The following TSG101 variants were observed in gnomAD, a reference collection of about 807,000 sequenced individuals.
The protein encoded by TSG101 is tumor susceptibility gene 101 protein.
In TSG101, 19 loss-of-function variants were observed where a neutral mutation model predicts 48.5. The ratio of observed to expected loss-of-function variants is 0.39; its 90% CI spans 0.27 to 0.58. The LOEUF (loss-of-function observed/expected upper bound fraction) is 0.58, where lower values mean the gene tolerates loss of function less well. Ranked by LOEUF, TSG101 falls within the 20% of genes least tolerant of loss-of-function variation. The pLI is 0.55. For synonymous variants in TSG101, 174 were observed against 169.4 expected (o/e 1.03, Z -0.21); for missense variants, 365 against 484.4 (o/e 0.75, Z 2.31).
intron 7 of TSG101, among the ~76,000 whole-genome samples, chr11:18,497,429 T>C (rs544250997): frequency 3.2e-4 from 48 of 152,194 alleles, no homozygotes; most frequent in Non-Finnish European, 5.7e-4. Flanking sequence ...CTTGAAAATG[T>C]AGAGTAAAAT....
intron 4 of TSG101, among the ~76,000 whole-genome samples, 160 bp downstream of exon 4, chr11:18,514,518 T>C (rs574290706): frequency 1.2e-4 from 18 of 152,348 alleles, no homozygotes; most frequent in Admixed American, 3.3e-4. Flanking sequence ...CCCATTTCTT[T>C]TAGTCAGCCT....
At chr11:18,486,032 T>A (rs1363098327) in intron 7 of TSG101, among the ~76,000 whole-genome samples, 1 of 152,204 alleles carries the variant, frequency 6.6e-6, no homozygotes, top group Non-Finnish European at 1.5e-5. Flanking sequence ...ATACTACCTA[T>A]GGCCTGCCCT....
At chr11:18,492,988 C>T (rs919720143) in intron 7 of TSG101, among the ~76,000 whole-genome samples, 7 of 152,164 alleles carry the variant, frequency 4.6e-5, no homozygotes, top group South Asian at 2.1e-4. Context: ...TCTTCTCAAA[C>T]ATCTTAGAAG....
intron 3 of TSG101, among the ~76,000 whole-genome samples, chr11:18,515,184 C>T (rs1850151127): frequency 6.6e-6 from 1 of 152,152 alleles, no homozygotes; most frequent in South Asian, 2.1e-4. Context: ...TCTGTAATCT[C>T]ATAGCACTTT....
At chr11:18,499,254 T>TTA (rs1024694961) in intron 7 of TSG101, among the ~76,000 whole-genome samples, 1 of 136,088 alleles carries the variant, frequency 7.3e-6, no homozygotes, top group Non-Finnish European at 1.5e-5. Context: ...TATTTATATA[T>TTA]TATATATATT....
intron 7 of TSG101, among the ~76,000 whole-genome samples, chr11:18,489,056 A>G (rs1364302978): frequency 6.6e-6 from 1 of 151,856 alleles, no homozygotes; most frequent in East Asian, 1.9e-4. Context: ...CGGAGGTTGC[A>G]GTGAGCCGAG....
chr11:18,512,072 A>G (rs986956963), intron 4 of TSG101, among the ~76,000 whole-genome samples: 11 of 152,110 alleles, frequency 7.2e-5, no homozygotes, highest in Non-Finnish European at 1.6e-4. Flanking sequence ...ATCTATGTTA[A>G]TATCTACTTC....
chr11:18,499,353 TG>T lies in TSG101; in HGVS notation c.640+3132del, dbSNP rs1234951077. Among the ~76,000 whole-genome samples, 97 of 90,758 alleles carry T rather than the reference TG, an allele frequency of 1.1e-3. 3 individuals carry two copies. The East Asian group carries it at 0.031, about 29-fold the overall frequency. 59.5% of individuals were successfully genotyped at this position (90,758 alleles called of 152,430 possible). On this transcript the variant is annotated intron_variant, in intron 7 of 9. Transcript: ENST00000251968. ...ATTTATATTTATGTATATTTATATATGTTTATATATAAATATGTTTATATTT... is the reference window on the plus strand; with the variant it reads ...ATTTATATTTATGTATATTTATATATTTTATATATAAATATGTTTATATTT...
intron 5 of TSG101, chr11:18,507,733 A>G (rs1849998655): frequency 6.6e-6 from 1 of 152,196 alleles, no homozygotes; most frequent in Admixed American, 6.5e-5. Flanking sequence ...CAACAGTAAC[A>G]ATAGTATGGT....
intron 7 of TSG101, among the ~76,000 whole-genome samples, chr11:18,499,404 T>A (rs796886962): frequency 0.017 from 87 of 5,064 alleles, no homozygotes; most frequent in African/African-American, 0.041. Context: ...ATATATATAT[T>A]TTTTTTTTTT....
chr11:18,489,524 T>C (rs762394157), intron 7 of TSG101, among the ~76,000 whole-genome samples: 2 of 152,200 alleles, frequency 1.3e-5, no homozygotes, highest in Non-Finnish European at 2.9e-5. Flanking sequence ...AAGTTGCAAA[T>C]TGGTAACAAA....
intron 7 of TSG101, among the ~76,000 whole-genome samples, chr11:18,494,707 T>A (rs1849749060): frequency 6.6e-6 from 1 of 152,036 alleles, no homozygotes. Context: ...CTGTGAAAGG[T>A]GTGGGGAAGA....
intron 7 of TSG101, among the ~76,000 whole-genome samples, chr11:18,497,701 C>G (rs1031864234): frequency 9.2e-5 from 14 of 152,194 alleles, no homozygotes; most frequent in African/African-American, 3.4e-4. Context: ...ATTGATAATG[C>G]TGAACCAAAA....
At position 18,508,556 on chromosome 11, in the gene TSG101, A is replaced by G. The variant is rs976648533; in HGVS notation, c.481+986T>C. 3 of 152,138 alleles carry G rather than the reference A, an allele frequency of 2.0e-5. No individual in the cohort carries two copies. The South Asian group carries it at 6.2e-4, about 31-fold the overall frequency. 9.4% of individuals were successfully genotyped at this position (152,138 alleles called of 1,614,324 possible). ...TGGGCACTAGAGTCAACAGAATTTA[A>G]TAAGATAAAAACAAATTTCTAATCC... On this transcript the variant is annotated intron_variant, in intron 5 of 9. Coordinates refer to ENST00000251968, the MANE Select transcript of TSG101 (RefSeq NM_006292.4).
At chr11:18,487,848 G>C (rs1301484964) in intron 7 of TSG101, among the ~76,000 whole-genome samples, 1 of 152,030 alleles carries the variant, frequency 6.6e-6, no homozygotes, top group South Asian at 2.1e-4. Context: ...TACAGTATTA[G>C]GCAGGAAGCT....
chr11:18,494,989 A>G (rs370790655), intron 7 of TSG101, among the ~76,000 whole-genome samples: 2 of 152,184 alleles, frequency 1.3e-5, no homozygotes. Flanking sequence ...TAAAGAGTGG[A>G]AACTACAGAA....
chr11:18,483,142 G>GT (rs1470092971), intron 8 of TSG101, among the ~76,000 whole-genome samples: 1 of 152,024 alleles, frequency 6.6e-6, no homozygotes, highest in Admixed American at 6.6e-5. Context: ...GATCTGATGG[G>GT]TTTATCAGGG....
rs138779299 is a variant in TSG101, at chr11:18,524,689, C to T, written c.42+2086G>A. On this transcript the variant is annotated intron_variant, in intron 1 of 9. Coordinates refer to ENST00000251968, the MANE Select transcript of TSG101 (RefSeq NM_006292.4). The stretch of plus-strand genomic sequence containing the variant: ...CAAAAGGCAGGTAGGATGCCCTCTC[C>T]CACCTCTTCCCTACCTCTGTTTTTG... Among the ~76,000 whole-genome samples the T allele has an allele frequency of 1.4e-3, 213 of 152,250 alleles. 1 individual carries two copies. Among genetic ancestry groups the T allele is most frequent in the African/African-American group, 4.7e-3 (194 of 41,530 alleles).
At chr11:18,504,200 CAAAAAAAAAAAA>C (rs933198352) in intron 6 of TSG101, among the ~76,000 whole-genome samples, 9 of 43,340 alleles carry the variant, frequency 2.1e-4, no homozygotes, top group Middle Eastern at 0.016. Context: ...GCCCCCATCT[CAAAAAAAAAAAA>C]AAAAAAAAAG....
Sources: allele counts gnomAD v4.1 joint callset (sites outside exome capture counted in the v4.1 genomes callset), GRCh38; gene constraint gnomAD v4.1.1; transcripts MANE v1.5; gene names NCBI Gene and HGNC (gene_info 2026-07-23, HGNC 2026-07-21).